Variants in TNRC6B observed in about 807,000 individuals in gnomAD.
TNRC6B encodes trinucleotide repeat-containing gene 6B protein.
A neutral mutation model predicts 203.6 loss-of-function variants in TNRC6B; 52 were observed. That is an observed-to-expected ratio of 0.26 (90% CI 0.20 to 0.32). The LOEUF is 0.32. TNRC6B is among the 10% of genes least tolerant of loss of function. TNRC6B has a pLI of 1.00. For missense variants in TNRC6B, 1,923 were observed against 2,286.2 expected (o/e 0.84, Z 3.24); for synonymous variants, 838 against 845.7 (o/e 0.99, Z 0.16).
intron 12 of TNRC6B, 94 bp downstream of exon 12, chr22:40,285,864 T>G: frequency 2.1e-6 from 3 of 1,459,814 alleles, no homozygotes; most frequent in Non-Finnish European, 1.9e-6. Context: ...AAAAGAATGA[T>G]AGTAAGTAGC....
chr22:40,304,578 T>C (rs1010832515), intron 15 of TNRC6B, among the ~76,000 whole-genome samples: 2 of 152,210 alleles, frequency 1.3e-5, no homozygotes, highest in African/African-American at 4.8e-5. Context: ...TACTTATTTA[T>C]ATGAGTCAAA....
At chr22:40,187,212 G>A (rs967838184) in intron 1 of TNRC6B, among the ~76,000 whole-genome samples, 2 of 152,198 alleles carry the variant, frequency 1.3e-5, no homozygotes, top group African/African-American at 2.4e-5. Flanking sequence ...ACTGTACAGC[G>A]GATGTGCACT....
intron 4 of TNRC6B, among the ~76,000 whole-genome samples, chr22:40,170,321 ATTATATATATTATATATAGT>A: frequency 1.1e-5 from 1 of 88,686 alleles, no homozygotes; most frequent in Non-Finnish European, 2.2e-5. Context: ...TTTTATATAT[ATTATATATATTATATATAGT>A]TTATATATAT....
chr22:40,293,415 A>T (rs1235147976), intron 12 of TNRC6B, among the ~76,000 whole-genome samples: 1 of 150,550 alleles, frequency 6.6e-6, no homozygotes, highest in African/African-American at 2.4e-5. Flanking sequence ...CTGGTCTCGA[A>T]CTCCTGGCCT....
At chr22:40,164,434 A>G (rs905715058) in intron 4 of TNRC6B, among the ~76,000 whole-genome samples, 1 of 149,356 alleles carries the variant, frequency 6.7e-6, no homozygotes, top group South Asian at 2.1e-4. Context: ...TTAACATGTC[A>G]TGTTCCACTT....
chr22:40,154,884 T>TAC (rs2068805104), intron 3 of TNRC6B, among the ~76,000 whole-genome samples: 2 of 52,800 alleles, frequency 3.8e-5, no homozygotes, highest in African/African-American at 2.1e-4. Context: ...TATATATATA[T>TAC]ATATATATAT....
intron 9 of TNRC6B, among the ~76,000 whole-genome samples, chr22:40,278,961 G>A (rs527700768): frequency 6.6e-6 from 1 of 152,198 alleles, no homozygotes; most frequent in African/African-American, 2.4e-5. Flanking sequence ...GGCTGGTCTC[G>A]AACTCCTGAC....
At chr22:40,078,605 T>A (rs187733030) in intron 1 of TNRC6B, among the ~76,000 whole-genome samples, 176 of 149,686 alleles carry the variant, frequency 1.2e-3, no homozygotes, top group Non-Finnish European at 1.4e-3. Flanking sequence ...TTATTTATTT[T>A]TTTTTGAGAC....
intron 21 of TNRC6B, 108 bp from the exon 22 acceptor site, chr22:40,320,982 A>G (rs1030744828): frequency 3.9e-5 from 51 of 1,303,138 alleles, no homozygotes; most frequent in Admixed American, 2.5e-4. Flanking sequence ...TATGGAAACT[A>G]TTTGCAAAAT....
chr22:40,191,286 G>C (rs1047563055), intron 1 of TNRC6B, among the ~76,000 whole-genome samples: 4 of 152,220 alleles, frequency 2.6e-5, no homozygotes, highest in African/African-American at 9.6e-5. Context: ...ACCTTGAAGA[G>C]TGATCGTGAA....
chr22:40,188,536 AGAG>A, intron 1 of TNRC6B, among the ~76,000 whole-genome samples: 1 of 152,232 alleles, frequency 6.6e-6, no homozygotes, highest in Non-Finnish European at 1.5e-5. Context: ...TAGTAAGGTC[AGAG>A]ACCTAGCAGG....
At chr22:40,264,513 G>A (rs1020062232) in intron 4 of TNRC6B, among the ~76,000 whole-genome samples, 175 bp from the exon 5 acceptor site, 3 of 151,956 alleles carry the variant, frequency 2.0e-5, no homozygotes, top group South Asian at 2.1e-4. Flanking sequence ...TGTAACACAA[G>A]GCAAATGAAA....
intron 19 of TNRC6B, among the ~76,000 whole-genome samples, chr22:40,314,218 G>T (rs927947316): frequency 1.3e-5 from 2 of 152,026 alleles, no homozygotes; most frequent in Non-Finnish European, 2.9e-5. Context: ...TCTCAACTCA[G>T]TTATGTTTCT....
intron 11 of TNRC6B, among the ~76,000 whole-genome samples, chr22:40,284,537 A>T (rs555294025): frequency 7.2e-5 from 11 of 152,354 alleles, no homozygotes; most frequent in African/African-American, 2.4e-4. Context: ...TTGGTGGGTC[A>T]TGGATATTTA....
intron 1 of TNRC6B, among the ~76,000 whole-genome samples, chr22:40,108,026 C>T (rs980682727): frequency 6.6e-5 from 10 of 151,860 alleles, no homozygotes; most frequent in Non-Finnish European, 1.5e-4. Flanking sequence ...AACCTGGCTA[C>T]GTGGCTGATG....
Position 40,265,116 on chromosome 22 carries a change from G to A in TNRC6B, c.886G>A (p.Gly296Ser). 6.2e-7 allele frequency: 1 copy of A among 1,613,988 alleles called. No individual in the cohort carries two copies. Among genetic ancestry groups the A allele is most frequent in the Non-Finnish European group, 8.5e-7 (1 of 1,179,876 alleles). The change falls in exon 5 of 23, where the codon GGC becomes AGC. Residue 296 changes from glycine to serine, a missense_variant. By Grantham distance (56) the Gly-to-Ser change is moderately conservative. Coordinates refer to ENST00000454349, the MANE Select transcript of TNRC6B (RefSeq NM_001162501.2). ...GAGTGGTCAGGATAGAATTGGACCT[G>A]GCTCTGGCTTCAGCAACTTTAACCC... Reference protein sequence around the residue: ...NVSGQDRIGPGSGFSNFNPNS... With the variant: ...NVSGQDRIGPSSGFSNFNPNS...
rs527501612 is a variant in TNRC6B at position 40,187,809 on chromosome 22, G to GT, written c.5+9675dup. Among the ~76,000 whole-genome samples, 152 of 152,232 alleles carry GT rather than the reference G, an allele frequency of 1.0e-3. 1 individual carries two copies. The highest frequency in any genetic ancestry group is 1.5e-3 in the East Asian group (8 of 5,186). ...ACGCATATTTACTAAATATGGGTGG[G>GT]TTTTTTCAGTTTATAAAAAGCAGGT... is the stretch of plus-strand genomic sequence containing the variant. On this transcript the variant is annotated intron_variant, in intron 1 of 22. Coordinates refer to ENST00000454349, the MANE Select transcript of TNRC6B (RefSeq NM_001162501.2).
intron 3 of TNRC6B, among the ~76,000 whole-genome samples, chr22:40,129,015 A>T (rs1375043653): frequency 6.6e-6 from 1 of 152,198 alleles, no homozygotes; most frequent in Non-Finnish European, 1.5e-5. Flanking sequence ...TGGGAGGAAG[A>T]GCGTAGCTAG....
chr22:40,266,837 T>C lies in TNRC6B; in HGVS notation c.2607T>C (p.Asp869=). The change falls in exon 5 of 23, where the codon GAT becomes GAC. Residue 869 remains aspartate (D), a synonymous_variant. Coordinates refer to ENST00000454349, the MANE Select transcript of TNRC6B (RefSeq NM_001162501.2). ...GGCCACAGCCTGCAACACCTAAGGATGAGGAACCCAGTGGTTGGGAAGAGC... is the reference window on the plus strand; with the variant it reads ...GGCCACAGCCTGCAACACCTAAGGACGAGGAACCCAGTGGTTGGGAAGAGC... ...SSGPQPATPK[D]EEPSGWEEPS... 1 of 1,613,902 alleles carries C rather than the reference T, an allele frequency of 6.2e-7. No homozygotes were observed. The highest frequency in any genetic ancestry group is 1.7e-5 in the Admixed American group (1 of 60,012).
Sources: allele counts gnomAD v4.1 joint callset (sites outside exome capture counted in the v4.1 genomes callset), GRCh38; gene constraint gnomAD v4.1.1; transcripts MANE v1.5; gene names NCBI Gene and HGNC (gene_info 2026-07-23, HGNC 2026-07-21).